PNPLA8: variants seen among roughly 807,000 people sequenced by gnomAD.
PNPLA8 encodes patatin like domain 8, phospholipase A2.
In PNPLA8, 39 loss-of-function variants were observed where a neutral mutation model predicts 76.9. The observed-to-expected ratio is 0.51, with a 90% CI of 0.39 to 0.66. The LOEUF (loss-of-function observed/expected upper bound fraction) is 0.66, where lower values mean the gene tolerates loss of function less well. PNPLA8 is among the 30% of genes least tolerant of loss of function. The pLI, the probability that PNPLA8 is intolerant of heterozygous loss-of-function variation, is 0.00. For missense variants in PNPLA8, 887 were observed against 918.0 expected, an observed-to-expected ratio of 0.97 and a Z score of 0.44; for synonymous variants, 301 against 307.9, an observed-to-expected ratio of 0.98 and a Z score of 0.24.
At chr7:108,477,523 C>T (rs1328064050) in intron 10 of PNPLA8, among the ~76,000 whole-genome samples, 1 of 151,900 alleles carries the variant, frequency 6.6e-6, no homozygotes, top group East Asian at 1.9e-4. Context: ...TTTAGTAAAA[C>T]GTTTCACCCA....
chr7:108,479,152 T>TG, intron 10 of PNPLA8, 32 bp downstream of exon 10: 1 of 1,486,050 alleles, frequency 6.7e-7, no homozygotes. Context: ...TGCTAGAAGT[T>TG]GAAGTATTTT....
chr7:108,527,713 C>G (rs899942154), upstream of PNPLA8: 8 of 152,150 alleles, frequency 5.3e-5, no homozygotes, highest in Admixed American at 3.9e-4. Flanking sequence ...AAGTGACTTA[C>G]AAGATTCTTG....
chr7:108,509,471 A>C (rs1345888215), intron 4 of PNPLA8, among the ~76,000 whole-genome samples: 1 of 149,396 alleles, frequency 6.7e-6, no homozygotes, highest in African/African-American at 2.5e-5. Flanking sequence ...TCAAAACCAC[A>C]ATGAGATACC....
At chr7:108,518,720 A>AATATAT (rs148834592) in intron 2 of PNPLA8, among the ~76,000 whole-genome samples, 293 of 123,844 alleles carry the variant, frequency 2.4e-3, no homozygotes, top group East Asian at 0.013. Context: ...TATGCACATG[A>AATATAT]ATATATATAT....
intron 7 of PNPLA8, among the ~76,000 whole-genome samples, chr7:108,492,291 A>T (rs752159584): frequency 2.0e-5 from 3 of 152,190 alleles, no homozygotes. Context: ...GCTTTAATAA[A>T]TATCAATGTA....
rs538931576 is a variant in PNPLA8 at position 108,523,338 on chromosome 7, G to A, written c.-129-1817C>T. On this transcript the variant is annotated intron_variant, in intron 1 of 10. Coordinates refer to ENST00000257694, the MANE Select transcript of PNPLA8 (RefSeq NM_001256007.3). ...GAGCAAAGATCACCTGGTGGCCATC[G>A]AGCAGACCATCCAGAGGGAAAGCTC... 5.3e-5 allele frequency among the ~76,000 whole-genome samples: 8 copies of A among 152,286 alleles called. No homozygotes were observed. The South Asian group carries it at 1.2e-3, about 24-fold the overall frequency.
chr7:108,517,748 A>T (rs113056922), intron 2 of PNPLA8, among the ~76,000 whole-genome samples: 1 of 152,124 alleles, frequency 6.6e-6, no homozygotes, highest in African/African-American at 2.4e-5. Flanking sequence ...GAGCTTACAT[A>T]TATATGTAAT....
chr7:108,510,928 T>C, intron 4 of PNPLA8: 1 of 1,581,080 alleles, frequency 6.3e-7, no homozygotes, highest in South Asian at 1.1e-5. Flanking sequence ...GTGGAGATGC[T>C]GGCAACAGGG....
chr7:108,519,401 C>G (rs1049442857), intron 2 of PNPLA8, among the ~76,000 whole-genome samples: 3 of 152,008 alleles, frequency 2.0e-5, no homozygotes, highest in Non-Finnish European at 4.4e-5. Flanking sequence ...CAGAGGCAAA[C>G]AGAAGAAAGC....
In PNPLA8 at chr7:108,472,323, C is replaced by T. The variant is rs1450395615; in HGVS notation, c.*78G>A. 1.9e-5 allele frequency: 20 copies of T among 1,036,592 alleles called. No homozygotes were observed. Among genetic ancestry groups the T allele is most frequent in the African/African-American group, 4.9e-5 (3 of 61,338 alleles). 64.2% of individuals were successfully genotyped at this position (1,036,592 alleles called of 1,614,324 possible). On this transcript the variant is annotated 3_prime_UTR_variant, in exon 11 of 11. Coordinates refer to ENST00000257694, the MANE Select transcript of PNPLA8 (RefSeq NM_001256007.3). ...TACGTATTTCAAAGTTAACTCATGT[C>T]GAACCCCACAATTCCTTATTGAATG... is the stretch of plus-strand genomic sequence containing the variant.
intron 4 of PNPLA8, among the ~76,000 whole-genome samples, chr7:108,505,885 A>G (rs1862385558): frequency 6.6e-6 from 1 of 152,212 alleles, no homozygotes; most frequent in African/African-American, 2.4e-5. Flanking sequence ...ATATTTTTAA[A>G]ATTCTACAAA....
At chr7:108,521,966 C>CA (rs1863767773) in intron 1 of PNPLA8, among the ~76,000 whole-genome samples, 1 of 152,154 alleles carries the variant, frequency 6.6e-6, no homozygotes, top group Non-Finnish European at 1.5e-5. Flanking sequence ...TATACCCCTC[C>CA]AGCATTCACA....
chr7:108,505,346 ATATATATTTTTTTTTTTTT>A (rs1201760386), intron 4 of PNPLA8, among the ~76,000 whole-genome samples: 12 of 5,838 alleles, frequency 2.1e-3, no homozygotes, highest in Non-Finnish European at 2.5e-3. Flanking sequence ...ATATATATAT[ATATATATTTTTTTTTTTTT>A]TTTTTTTTTT....
At chr7:108,488,900 G>A (rs944995208) in intron 8 of PNPLA8, among the ~76,000 whole-genome samples, 7 of 152,186 alleles carry the variant, frequency 4.6e-5, no homozygotes, top group African/African-American at 1.7e-4. Flanking sequence ...AGTGTCCTGT[G>A]CCAAGTCCTG....
rs570487787 is a variant in PNPLA8, at chr7:108,482,081, T to C, written c.1879-2702A>G. Among the ~76,000 whole-genome samples the C allele has an allele frequency of 2.0e-5, 3 of 152,356 alleles. No homozygotes were observed. The East Asian group carries it at 5.8e-4, about 29-fold the overall frequency. On this transcript the variant is annotated intron_variant, in intron 9 of 10. Coordinates refer to ENST00000257694, the MANE Select transcript of PNPLA8 (RefSeq NM_001256007.3). ...CTATTTATCTACATATCTATCTTTA[T>C]GCAAATACCACTCTGGTACAGTAGC...
chr7:108,515,938 C>G (rs574190162), intron 2 of PNPLA8, among the ~76,000 whole-genome samples: 4 of 152,132 alleles, frequency 2.6e-5, no homozygotes, highest in Non-Finnish European at 5.9e-5. Flanking sequence ...TGACACTAGA[C>G]TTTAATTCCT....
At chr7:108,512,995 A>C (rs1012930564) in intron 4 of PNPLA8, among the ~76,000 whole-genome samples, 2 of 152,070 alleles carry the variant, frequency 1.3e-5, no homozygotes, top group African/African-American at 4.8e-5. Flanking sequence ...TCTGCCATCT[A>C]AGTAGGTCAT....
intron 5 of PNPLA8, among the ~76,000 whole-genome samples, chr7:108,500,777 T>C (rs1861878551): frequency 1.3e-5 from 2 of 152,040 alleles, no homozygotes. Flanking sequence ...GGTGTGGTAG[T>C]GCATGCCTAT....
rs141288660 is a variant in PNPLA8 at position 108,499,436 on chromosome 7, T to G, written c.1359-1859A>C. Among the ~76,000 whole-genome samples the G allele has an allele frequency of 1.4e-3, 211 of 152,360 alleles. 1 individual carries two copies. Among genetic ancestry groups the G allele is most frequent in the East Asian group, 8.3e-3 (43 of 5,184 alleles). On this transcript the variant is annotated intron_variant, in intron 5 of 10. Coordinates refer to ENST00000257694, the MANE Select transcript of PNPLA8 (RefSeq NM_001256007.3). ...ACAAAGAAGTCAAAGACAGGGTTTTTTATTTTTTCTCTCAATCCCTCATAC... is the reference window on the plus strand; with the variant it reads ...ACAAAGAAGTCAAAGACAGGGTTTTGTATTTTTTCTCTCAATCCCTCATAC...
Sources: allele counts gnomAD v4.1 joint callset (sites outside exome capture counted in the v4.1 genomes callset), GRCh38; gene constraint gnomAD v4.1.1; transcripts MANE v1.5; gene names NCBI Gene and HGNC (gene_info 2026-07-23, HGNC 2026-07-21).